FAM227A: variants seen among roughly 807,000 people sequenced by gnomAD.
FAM227A encodes the protein protein FAM227A.
FAM227A carries 80 observed loss-of-function variants against 74.7 expected under a neutral mutation model. The ratio of observed to expected loss-of-function variants is 1.07; its 90% confidence interval spans 0.89 to 1.29. The LOEUF (loss-of-function observed/expected upper bound fraction) is 1.29. Among genes scored for constraint, FAM227A ranks in the 50% most tolerant of loss-of-function variants. The pLI, the probability that FAM227A is intolerant of heterozygous loss-of-function variation, is 0.00. For synonymous variants in FAM227A, 237 were observed against 241.8 expected (o/e 0.98, Z 0.19); for missense variants, 654 against 683.4 (o/e 0.96, Z 0.48).
At chr22:38,614,834 C>A (rs972073820) in intron 11 of FAM227A, among the ~76,000 whole-genome samples, 1 of 152,180 alleles carries the variant, frequency 6.6e-6, no homozygotes, top group East Asian at 1.9e-4. Context: ...TACCCAAACA[C>A]TGAATAATAT....
chr22:38,613,103 AAT>A (rs1452047764), intron 11 of FAM227A, among the ~76,000 whole-genome samples: 28 of 92,966 alleles, frequency 3.0e-4, no homozygotes, highest in African/African-American at 1.3e-3. Context: ...TATTATATAT[AAT>A]TATATATATA....
chr22:38,613,177 TTATATATAATATATATATATTATATTATA>T (rs1569206990), intron 11 of FAM227A, among the ~76,000 whole-genome samples: 3 of 81,498 alleles, frequency 3.7e-5, no homozygotes, highest in African/African-American at 1.7e-4. Flanking sequence ...TGTATATATA[TTATATATAATATATATATATTATATTATA>T]TATATCTATG....
In FAM227A at chr22:38,643,214, G is replaced by T. The variant is rs543707601; in HGVS notation, c.225+2349C>A. 3.8e-4 allele frequency among the ~76,000 whole-genome samples: 57 copies of T among 151,940 alleles called. 1 individual carries two copies. Among genetic ancestry groups the T allele is most frequent in the African/African-American group, 1.3e-3 (54 of 41,440 alleles). On this transcript the variant is annotated intron_variant, in intron 3 of 16. Transcript: ENST00000535113. ...GCCTGTAATCCCAGCTACTCAGGAG[G>T]CCGAGGCAGGAGAATCACTTGAACC...
At chr22:38,605,403 C>G in intron 12 of FAM227A, 55 bp from the exon 13 acceptor site, 2 of 1,009,794 alleles carry the variant, frequency 2.0e-6, no homozygotes. Flanking sequence ...AATTCTCGTG[C>G]CTCAGCCTCC....
At chr22:38,652,186 AAAAT>A (rs138861830) in intron 1 of FAM227A, among the ~76,000 whole-genome samples, 8,558 of 152,022 alleles carry the variant, frequency 0.056, 482 homozygotes, top group African/African-American at 0.14. Flanking sequence ...ACCCTGTCTC[AAAAT>A]AAATAAATAA....
intron 9 of FAM227A, 80 bp downstream of exon 9, chr22:38,626,100 C>A: frequency 2.1e-6 from 3 of 1,429,530 alleles, no homozygotes; most frequent in Non-Finnish European, 2.9e-6. Flanking sequence ...GGTGTCATAG[C>A]AAACAATAAC....
chr22:38,647,418 T>C (rs2092258911), intron 2 of FAM227A, among the ~76,000 whole-genome samples: 2 of 151,504 alleles, frequency 1.3e-5, no homozygotes, highest in South Asian at 4.2e-4. Context: ...GAGCTGAGAT[T>C]GCGCCACTGC....
intron 11 of FAM227A, among the ~76,000 whole-genome samples, chr22:38,617,888 T>C (rs923205086): frequency 6.6e-6 from 1 of 152,078 alleles, no homozygotes; most frequent in Non-Finnish European, 1.5e-5. Context: ...GTAGGATTAC[T>C]TGAATCCAGG....
chr22:38,597,412 T>A, intron 14 of FAM227A, 56 bp from the exon 15 acceptor site: 1 of 1,519,638 alleles, frequency 6.6e-7, no homozygotes, highest in Non-Finnish European at 8.9e-7. Context: ...GACGCTGCAT[T>A]ATTAGTGGCA....
chr22:38,599,390 T>A (rs976682949), intron 14 of FAM227A, among the ~76,000 whole-genome samples: 1 of 152,142 alleles, frequency 6.6e-6, no homozygotes, highest in African/African-American at 2.4e-5. Context: ...GAAACATACA[T>A]GTGGACAACA....
chr22:38,619,866 C>A lies in FAM227A; in HGVS notation c.1038+346G>T, dbSNP rs564499437. Among the ~76,000 whole-genome samples the A allele has an allele frequency of 1.2e-3, 181 of 152,100 alleles. No homozygotes were observed. In the Middle Eastern group the frequency reaches 0.014, roughly 11 times the overall value. Reference sequence around the variant, plus strand: ...CATCAATAGGGCAGAGGAGAAAGTACGTATCAGGGATGACTGCTAGGTTTC... The same window carrying A: ...CATCAATAGGGCAGAGGAGAAAGTAAGTATCAGGGATGACTGCTAGGTTTC... On this transcript the variant is annotated intron_variant, in intron 11 of 16. Transcript: ENST00000535113.
chr22:38,623,115 A>C, intron 10 of FAM227A, 57 bp downstream of exon 10: 1 of 1,191,454 alleles, frequency 8.4e-7, no homozygotes, highest in Admixed American at 2.0e-5. Flanking sequence ...CCTCAGTTAG[A>C]TAGTGGTTGA....
intron 2 of FAM227A, among the ~76,000 whole-genome samples, chr22:38,648,066 T>C (rs574714678): frequency 7.9e-4 from 120 of 152,076 alleles, no homozygotes; most frequent in African/African-American, 2.7e-3. Flanking sequence ...CCACAGGAGA[T>C]GGAAAGACCT....
chr22:38,603,406 T>G (rs1470946770), intron 13 of FAM227A, among the ~76,000 whole-genome samples: 8 of 150,798 alleles, frequency 5.3e-5, no homozygotes, highest in Non-Finnish European at 1.5e-5. Flanking sequence ...GAGAATAGCT[T>G]GAACCCAGGA....
At chr22:38,623,695 AGTT>A (rs1345445939) in intron 9 of FAM227A, among the ~76,000 whole-genome samples, 3 of 152,210 alleles carry the variant, frequency 2.0e-5, no homozygotes. Context: ...AAGACATCAC[AGTT>A]ATTTGTTTTC....
intron 11 of FAM227A, among the ~76,000 whole-genome samples, chr22:38,607,940 A>G (rs2146263833): frequency 6.6e-6 from 1 of 152,266 alleles, no homozygotes. Flanking sequence ...ACTGAAACTG[A>G]GCCCCTGGCT....
intron 2 of FAM227A, among the ~76,000 whole-genome samples, chr22:38,646,544 G>T (rs565060738): frequency 6.6e-6 from 1 of 151,822 alleles, no homozygotes; most frequent in African/African-American, 2.4e-5. Context: ...TTACAGGCGT[G>T]AGCCACCGCG....
chr22:38,605,182 A>T (rs1356471274), intron 13 of FAM227A, 72 bp downstream of exon 13: 1 of 851,444 alleles, frequency 1.2e-6, no homozygotes, highest in Non-Finnish European at 1.9e-6. Context: ...AATGTTAATT[A>T]TCATTTTCTT....
At chr22:38,630,640 C>T (rs915910783) in intron 6 of FAM227A, among the ~76,000 whole-genome samples, 2 of 152,192 alleles carry the variant, frequency 1.3e-5, no homozygotes, top group Non-Finnish European at 2.9e-5. Context: ...TATTCATTCA[C>T]ACTCCTCCCA....
Sources: gnomAD v4.1 joint callset for allele counts (sites outside exome capture counted in the v4.1 genomes callset) on GRCh38, gnomAD v4.1.1 for gene constraint, MANE v1.5 for transcripts, NCBI Gene and HGNC (gene_info 2026-07-23, HGNC 2026-07-21) for gene names.